Variants in FMN2 observed in about 807,000 individuals in gnomAD.
FMN2 encodes formin 2.
In FMN2, 51 loss-of-function variants were observed where a neutral mutation model predicts 142.3. The observed-to-expected ratio is 0.36, with a 90% CI of 0.29 to 0.45. FMN2 has a LOEUF of 0.45. Ranked by LOEUF, FMN2 falls within the 20% of genes least tolerant of loss-of-function variation. The pLI is 1.00. For synonymous variants in FMN2, 882 were observed against 869.8 expected, an observed-to-expected ratio of 1.01 and a Z score of -0.25; for missense variants, 1,936 against 2,122.8, an observed-to-expected ratio of 0.91 and a Z score of 1.73.
At chr1:240,439,487 G>T (rs901128453) in intron 16 of FMN2, among the ~76,000 whole-genome samples, 8 of 152,072 alleles carry the variant, frequency 5.3e-5, no homozygotes, top group African/African-American at 1.9e-4. Context: ...AACCATGCCA[G>T]ACTTGCGCTT....
chr1:240,468,476 G>A (rs923754192), intron 16 of FMN2, among the ~76,000 whole-genome samples: 1 of 152,098 alleles, frequency 6.6e-6, no homozygotes, highest in Non-Finnish European at 1.5e-5. Flanking sequence ...CCCCGCTCTG[G>A]TTTCCTCTCT....
intron 6 of FMN2, among the ~76,000 whole-genome samples, chr1:240,217,253 CTA>C (rs1435076172): frequency 2.0e-5 from 3 of 152,168 alleles, no homozygotes; most frequent in African/African-American, 7.2e-5. Flanking sequence ...AGATTGAAAA[CTA>C]TGTTTTATTG....
At chr1:240,239,011 G>GT in intron 6 of FMN2, among the ~76,000 whole-genome samples, 1 of 152,274 alleles carries the variant, frequency 6.6e-6, no homozygotes, top group Admixed American at 6.5e-5. Flanking sequence ...CAGGAGTGCT[G>GT]ATAATGTCCT....
chr1:240,320,971 A>G (rs1444122437), intron 8 of FMN2, among the ~76,000 whole-genome samples: 1 of 152,178 alleles, frequency 6.6e-6, no homozygotes. Flanking sequence ...AGGGGGAAAA[A>G]GTCATTTCCT....
In FMN2 at chr1:240,472,385, G is replaced by T; in HGVS notation, c.5074G>T (p.Glu1692Ter). The change falls in exon 17 of 18, where the codon GAA (glutamate) becomes TAA (stop). Residue 1692 changes from glutamate to a stop codon, truncating the protein, a stop_gained. Transcript: ENST00000319653. LOFTEE classifies it high-confidence loss of function. Reference sequence around the variant, plus strand: ...TCTCCCCATCAGAGTAAAAGAAGCCGAAGAGGTGTGTAGACAGAAGAAAGG... The same window carrying T: ...TCTCCCCATCAGAGTAAAAGAAGCCTAAGAGGTGTGTAGACAGAAGAAAGG... ...LLLQERVKEA[E>*]EVCRQKKGKS... The T allele has an allele frequency of 6.2e-7, 1 of 1,611,874 alleles. No homozygotes were observed. The highest frequency in any genetic ancestry group is 8.5e-7 in the Non-Finnish European group (1 of 1,179,214).
intron 1 of FMN2, among the ~76,000 whole-genome samples, chr1:240,108,451 A>G (rs1022707100): frequency 2.6e-5 from 4 of 152,128 alleles, no homozygotes; most frequent in African/African-American, 9.7e-5. Flanking sequence ...ATATCTCTGT[A>G]TTCAGTGACA....
At chr1:240,457,842 A>T (rs1676306566) in intron 16 of FMN2, 1 of 152,420 alleles carries the variant, frequency 6.6e-6, no homozygotes, top group Non-Finnish European at 1.5e-5. Context: ...CAGACTATGT[A>T]GCCTAGTGGG....
At chr1:240,468,369 A>C (rs1365444324) in intron 16 of FMN2, among the ~76,000 whole-genome samples, 2 of 146,534 alleles carry the variant, frequency 1.4e-5, no homozygotes, top group South Asian at 4.4e-4. Context: ...AATCATGCAC[A>C]GAGCTGTGTC....
At chr1:240,134,908 G>A (rs916264680) in intron 2 of FMN2, among the ~76,000 whole-genome samples, 3 of 152,176 alleles carry the variant, frequency 2.0e-5, no homozygotes, top group Non-Finnish European at 2.9e-5. Flanking sequence ...AGTAGGGAAA[G>A]CTACGGGGAG....
intron 1 of FMN2, among the ~76,000 whole-genome samples, chr1:240,113,755 A>T (rs1661911798): frequency 6.6e-6 from 1 of 152,100 alleles, no homozygotes; most frequent in Non-Finnish European, 1.5e-5. Context: ...GTCAAATTAC[A>T]TTCCTTGAAC....
intron 11 of FMN2, 21 bp downstream of exon 11, chr1:240,330,770 G>A (rs769893293): frequency 6.2e-7 from 1 of 1,610,192 alleles, no homozygotes; most frequent in Non-Finnish European, 8.5e-7. Flanking sequence ...TGCATGAGTG[G>A]ACGTAAGCAC....
chr1:240,209,833 G>A (rs1417541651), intron 5 of FMN2, among the ~76,000 whole-genome samples: 3 of 151,808 alleles, frequency 2.0e-5, no homozygotes, highest in Non-Finnish European at 4.4e-5. Flanking sequence ...GAACCCGGGA[G>A]GCGGAGCTTG....
intron 15 of FMN2, among the ~76,000 whole-genome samples, chr1:240,436,118 G>A (rs1675360530): frequency 6.6e-6 from 1 of 152,108 alleles, no homozygotes; most frequent in Non-Finnish European, 1.5e-5. Context: ...GGGCAGTTCT[G>A]ATGCCATCAA....
At chr1:240,245,497 G>A in intron 6 of FMN2, 1 of 471,354 alleles carries the variant, frequency 2.1e-6, no homozygotes. Flanking sequence ...CCGTCCTGAT[G>A]ACTGGAGATC....
chr1:240,221,160 T>C (rs1322258838), intron 6 of FMN2, among the ~76,000 whole-genome samples: 1 of 152,218 alleles, frequency 6.6e-6, no homozygotes, highest in Non-Finnish European at 1.5e-5. Flanking sequence ...CTATTGTGAA[T>C]AGTGCTGCAA....
Position 240,208,470 on chromosome 1 carries a change from G to C in FMN2, c.3658G>C (p.Ala1220Pro), listed in dbSNP as rs1429540064. The C allele has an allele frequency of 6.2e-7, 1 of 1,608,186 alleles. No homozygotes were observed. ...CTTGCCAGGTATGGGGATTCCACCTGCTCCAGCTCCCCCACTCCCTCCACC... is the reference window on the plus strand; with the variant it reads ...CTTGCCAGGTATGGGGATTCCACCTCCTCCAGCTCCCCCACTCCCTCCACC... ...PPLPGMGIPPAPAPPLPPPGT... is the reference protein window; with the variant it reads ...PPLPGMGIPPPPAPPLPPPGT... Residue 1220 changes from alanine to proline, a missense_variant, in exon 5 of 18, where the codon GCT becomes CCT. Physicochemically the swap from Ala to Pro is conservative, Grantham distance 27 (BLOSUM62 -1). Coordinates refer to ENST00000319653, the MANE Select transcript of FMN2 (RefSeq NM_020066.5).
At chr1:240,411,163 C>G (rs1384170311) in intron 15 of FMN2, among the ~76,000 whole-genome samples, 1 of 152,214 alleles carries the variant, frequency 6.6e-6, no homozygotes, top group Non-Finnish European at 1.5e-5. Flanking sequence ...ACACTTCCCT[C>G]ACACTTATTT....
intron 2 of FMN2, chr1:240,142,665 A>T: frequency 6.2e-6 from 10 of 1,607,208 alleles, no homozygotes; most frequent in Non-Finnish European, 8.5e-6. Context: ...CCTGGTGGTC[A>T]CTTAGAGATC....
chr1:240,187,347 T>C (rs926040302), intron 3 of FMN2, among the ~76,000 whole-genome samples: 1 of 151,148 alleles, frequency 6.6e-6, no homozygotes, highest in Admixed American at 6.6e-5. Context: ...GTCCAGGGTC[T>C]GGTCTGCATG....
Sources: allele counts gnomAD v4.1 joint callset (sites outside exome capture counted in the v4.1 genomes callset), GRCh38; gene constraint gnomAD v4.1.1; transcripts MANE v1.5; gene names NCBI Gene and HGNC (gene_info 2026-07-23, HGNC 2026-07-21).